Variants in FSTL5 observed in about 807,000 individuals in gnomAD.
The protein encoded by FSTL5 is follistatin like 5.
A neutral mutation model predicts 89.1 loss-of-function variants in FSTL5; 62 were observed. The ratio of observed to expected loss-of-function variants is 0.70; its 90% CI spans 0.57 to 0.86. The LOEUF is 0.86. Among genes scored for constraint, FSTL5 ranks in the 40% least tolerant of loss-of-function variants. FSTL5 has a pLI of 0.00. For synonymous variants in FSTL5, 383 were observed against 346.2 expected, an observed-to-expected ratio of 1.11 and a Z score of -1.18; for missense variants, 1,057 against 1,001.6, an observed-to-expected ratio of 1.06 and a Z score of -0.75.
chr4:161,688,821 C>T (rs1737829274), intron 6 of FSTL5, among the ~76,000 whole-genome samples: 1 of 152,088 alleles, frequency 6.6e-6, no homozygotes, highest in South Asian at 2.1e-4. Context: ...GTTTATTCCC[C>T]TTGAAACCAA....
intron 2 of FSTL5, among the ~76,000 whole-genome samples, chr4:162,067,505 T>C (rs1474485191): frequency 2.6e-5 from 4 of 152,066 alleles, no homozygotes; most frequent in Non-Finnish European, 1.5e-5. Flanking sequence ...TACCCAGTAA[T>C]GGGATTGCTG....
At chr4:161,867,367 A>G (rs1285442325) in intron 4 of FSTL5, among the ~76,000 whole-genome samples, 1 of 151,990 alleles carries the variant, frequency 6.6e-6, no homozygotes. Context: ...TTACTAATCA[A>G]TTTAATAAAC....
At chr4:161,783,671 T>TTC (rs1169259721) in intron 4 of FSTL5, among the ~76,000 whole-genome samples, 26 of 19,460 alleles carry the variant, frequency 1.3e-3, no homozygotes, top group African/African-American at 2.8e-3. Flanking sequence ...TTCTCTTTCT[T>TTC]TCTTTCTCTT....
intron 2 of FSTL5, among the ~76,000 whole-genome samples, chr4:162,108,861 G>A (rs573358314): frequency 5.4e-4 from 82 of 151,734 alleles, no homozygotes; most frequent in African/African-American, 3.6e-4. Context: ...AAAGTCATTT[G>A]TTCGCCATAA....
At chr4:161,585,022 G>A (rs1733557517) in intron 8 of FSTL5, among the ~76,000 whole-genome samples, 1 of 152,132 alleles carries the variant, frequency 6.6e-6, no homozygotes, top group Non-Finnish European at 1.5e-5. Flanking sequence ...CTGATGGGGA[G>A]CACTCTGTTT....
Position 161,538,304 on chromosome 4 carries a change from A to G in FSTL5, c.1178-4T>C. On this transcript the variant is annotated splice_polypyrimidine_tract_variant and splice_region_variant and intron_variant, in intron 9 of 15. Transcript: ENST00000306100. ...ATGTGAACCTCACTGCCATTTGCTG[A>G]AAAAAGAAGGGAAATGCAACTTGTA... The G allele has an allele frequency of 6.2e-7, 1 of 1,613,476 alleles. No homozygotes were observed. Among genetic ancestry groups the G allele is most frequent in the Non-Finnish European group, 8.5e-7 (1 of 1,179,598 alleles).
chr4:161,584,041 T>C (rs937650701), intron 8 of FSTL5, among the ~76,000 whole-genome samples: 2 of 151,898 alleles, frequency 1.3e-5, no homozygotes. Flanking sequence ...AATCTTTTTT[T>C]CTCTCATGGC....
At chr4:161,461,171 A>C (rs1733557475) in intron 13 of FSTL5, among the ~76,000 whole-genome samples, 1 of 151,810 alleles carries the variant, frequency 6.6e-6, no homozygotes, top group Non-Finnish European at 1.5e-5. Context: ...GGTTAAGAGG[A>C]AAAGGCCGGG....
chr4:161,796,742 C>T (rs564892461), intron 4 of FSTL5, among the ~76,000 whole-genome samples: 2 of 151,438 alleles, frequency 1.3e-5, no homozygotes, highest in East Asian at 3.9e-4. Context: ...TTTTATTATA[C>T]ATATTTATTA....
intron 12 of FSTL5, among the ~76,000 whole-genome samples, chr4:161,497,036 G>A (rs1730111104): frequency 6.6e-6 from 1 of 152,078 alleles, no homozygotes; most frequent in Non-Finnish European, 1.5e-5. Flanking sequence ...GCACTAAATA[G>A]CTTCCACACT....
At chr4:161,667,927 T>C (rs957336590) in intron 6 of FSTL5, among the ~76,000 whole-genome samples, 13 of 151,850 alleles carry the variant, frequency 8.6e-5, no homozygotes, top group South Asian at 8.3e-4. Context: ...TTAACAAAGA[T>C]GAAAGATTGG....
intron 7 of FSTL5, among the ~76,000 whole-genome samples, chr4:161,602,253 AAGAGAGAGAGAGAGAG>A (rs58991875): frequency 2.5e-4 from 31 of 122,794 alleles, no homozygotes; most frequent in Non-Finnish European, 3.7e-4. Context: ...GAGGGAGAGA[AAGAGAGAGAGAGAGAG>A]AGAGAGAGAG....
chr4:161,864,696 C>G (rs952427090), intron 4 of FSTL5, among the ~76,000 whole-genome samples: 2 of 151,512 alleles, frequency 1.3e-5, no homozygotes, highest in Admixed American at 1.3e-4. Context: ...GTGGTGAAAC[C>G]CCATCTCTAG....
intron 2 of FSTL5, among the ~76,000 whole-genome samples, chr4:162,044,688 CAGTGT>C (rs1738105873): frequency 6.6e-6 from 1 of 152,176 alleles, no homozygotes; most frequent in Non-Finnish European, 1.5e-5. Flanking sequence ...ATCTCTTGTT[CAGTGT>C]AGCCACCTTC....
At chr4:161,798,599 A>G (rs748670641) in intron 4 of FSTL5, among the ~76,000 whole-genome samples, 1 of 151,560 alleles carries the variant, frequency 6.6e-6, no homozygotes, top group Non-Finnish European at 1.5e-5. Context: ...CTCAGCCCCA[A>G]TCAAAACTTT....
intron 1 of FSTL5, among the ~76,000 whole-genome samples, chr4:162,118,643 GC>G (rs1731742001): frequency 6.6e-6 from 1 of 152,086 alleles, no homozygotes; most frequent in Admixed American, 6.5e-5. Flanking sequence ...ATTGGCTGCC[GC>G]CCCGTCATTG....
At chr4:161,630,223 C>T (rs1463110257) in intron 7 of FSTL5, among the ~76,000 whole-genome samples, 1 of 152,194 alleles carries the variant, frequency 6.6e-6, no homozygotes, top group Non-Finnish European at 1.5e-5. Flanking sequence ...GCTAATCCAG[C>T]TTACCCTTTA....
chr4:161,572,912 T>A (rs996277057), intron 8 of FSTL5, among the ~76,000 whole-genome samples: 1 of 152,134 alleles, frequency 6.6e-6, no homozygotes, highest in South Asian at 2.1e-4. Context: ...TAAAAAGACA[T>A]AAATCCTGAT....
intron 14 of FSTL5, among the ~76,000 whole-genome samples, chr4:161,455,634 G>A: frequency 6.6e-6 from 1 of 152,048 alleles, no homozygotes; most frequent in Non-Finnish European, 1.5e-5. Context: ...CGGTTTACGT[G>A]TTTTAATAAA....
Sources: gnomAD v4.1 joint callset for allele counts (sites outside exome capture counted in the v4.1 genomes callset) on GRCh38, gnomAD v4.1.1 for gene constraint, MANE v1.5 for transcripts, NCBI Gene and HGNC (gene_info 2026-07-23, HGNC 2026-07-21) for gene names.